Variants in RASGRF2 observed in about 807,000 individuals in gnomAD.
RASGRF2 encodes the protein ras-specific guanine nucleotide-releasing factor 2.
A neutral mutation model predicts 151.0 loss-of-function variants in RASGRF2; 76 were observed. The observed-to-expected ratio is 0.50, with a 90% confidence interval of 0.42 to 0.61. The LOEUF is 0.61. Among genes scored for constraint, RASGRF2 ranks in the 20% least tolerant of loss-of-function variants. The pLI, the probability that RASGRF2 is intolerant of heterozygous loss-of-function variation, is 0.00. For synonymous variants in RASGRF2, 504 were observed against 566.5 expected (o/e 0.89, Z 1.57); for missense variants, 1,148 against 1,564.6 (o/e 0.73, Z 4.49).
At chr5:81,117,850 A>G (rs1036106209) in intron 15 of RASGRF2, among the ~76,000 whole-genome samples, 2 of 152,206 alleles carry the variant, frequency 1.3e-5, no homozygotes, top group Non-Finnish European at 2.9e-5. Context: ...TGTAAAAGGG[A>G]AAAGTAGGCA....
At chr5:80,980,726 C>T (rs1364637288) in intron 1 of RASGRF2, among the ~76,000 whole-genome samples, 2 of 152,188 alleles carry the variant, frequency 1.3e-5, no homozygotes, top group Non-Finnish European at 2.9e-5. Flanking sequence ...AACTTACACC[C>T]TTTGTGAATT....
At chr5:81,036,158 G>A (rs558281609) in intron 1 of RASGRF2, among the ~76,000 whole-genome samples, 1 of 144,576 alleles carries the variant, frequency 6.9e-6, no homozygotes, top group Admixed American at 7.0e-5. Context: ...TTTTCATTTT[G>A]GTCTTTTTTC....
Position 80,986,308 on chromosome 5 carries a change from A to C in RASGRF2, c.288+25282A>C, listed in dbSNP as rs190625947. Among the ~76,000 whole-genome samples, 47 of 152,300 alleles carry C rather than the reference A, an allele frequency of 3.1e-4. No homozygotes were observed. The Middle Eastern group carries it at 0.014, about 44-fold the overall frequency. ...AGTTAAATGCTACCTTCTCAGTCCCAACCAAGCACTCTGGAAGTCTCCTTT... is the reference window on the plus strand; with the variant it reads ...AGTTAAATGCTACCTTCTCAGTCCCCACCAAGCACTCTGGAAGTCTCCTTT... On this transcript the variant is annotated intron_variant, in intron 1 of 26. Coordinates refer to ENST00000265080, the MANE Select transcript of RASGRF2 (RefSeq NM_006909.3).
chr5:81,218,826 A>G (rs1377085077), intron 25 of RASGRF2, among the ~76,000 whole-genome samples: 2 of 152,198 alleles, frequency 1.3e-5, no homozygotes. Flanking sequence ...CTACCCATCC[A>G]TGAGCATGGG....
intron 1 of RASGRF2, among the ~76,000 whole-genome samples, chr5:81,041,147 C>T (rs1356652597): frequency 6.6e-6 from 1 of 151,930 alleles, no homozygotes; most frequent in African/African-American, 2.4e-5. Context: ...ACCAAAAATA[C>T]AAAAAGTAGC....
chr5:80,993,320 G>A (rs1242840642), intron 1 of RASGRF2, among the ~76,000 whole-genome samples: 1 of 152,172 alleles, frequency 6.6e-6, no homozygotes, highest in East Asian at 1.9e-4. Flanking sequence ...AAGTTAAATG[G>A]AAATATTTTA....
chr5:81,007,599 A>G (rs1182050892), intron 1 of RASGRF2, among the ~76,000 whole-genome samples: 1 of 152,182 alleles, frequency 6.6e-6, no homozygotes, highest in Non-Finnish European at 1.5e-5. Flanking sequence ...TCCATTAAGA[A>G]AAATTCACGC....
intron 17 of RASGRF2, among the ~76,000 whole-genome samples, chr5:81,160,072 G>A (rs1407403125): frequency 6.6e-6 from 1 of 152,164 alleles, no homozygotes; most frequent in East Asian, 1.9e-4. Flanking sequence ...AAGATTGCCT[G>A]AGGCCAGGAG....
chr5:81,027,317 A>G (rs930948366), intron 1 of RASGRF2, among the ~76,000 whole-genome samples: 1 of 152,204 alleles, frequency 6.6e-6, no homozygotes, highest in African/African-American at 2.4e-5. Context: ...TAATAATGGG[A>G]AAAACTGTGT....
intron 2 of RASGRF2, among the ~76,000 whole-genome samples, chr5:81,046,868 A>G (rs920681344): frequency 2.6e-5 from 4 of 152,120 alleles, no homozygotes; most frequent in Non-Finnish European, 4.4e-5. Context: ...GTTAGGAGAT[A>G]GTCATGGCCT....
intron 1 of RASGRF2, among the ~76,000 whole-genome samples, chr5:81,023,022 A>C (rs1467378171): frequency 1.4e-5 from 2 of 143,330 alleles, no homozygotes; most frequent in African/African-American, 5.1e-5. Flanking sequence ...GCAGCTGTTG[A>C]GTCCAGATGC....
Position 81,177,516 on chromosome 5 carries a change from T to C in RASGRF2, c.2687-2659T>C, listed in dbSNP as rs557658137. On this transcript the variant is annotated intron_variant, in intron 17 of 26. Coordinates refer to ENST00000265080, the MANE Select transcript of RASGRF2 (RefSeq NM_006909.3). ...ATATCATGCAATACAACTTAGTAAG[T>C]TCATACTATGTAGGCTTTCATTTTT... Among the ~76,000 whole-genome samples the C allele has an allele frequency of 5.3e-5, 8 of 151,952 alleles. No homozygotes were observed. In the South Asian group the frequency reaches 1.5e-3, roughly 28 times the overall value.
intron 19 of RASGRF2, 87 bp downstream of exon 19, chr5:81,201,529 C>A: frequency 1.4e-6 from 2 of 1,403,774 alleles, no homozygotes. Context: ...ATCTTAGAAT[C>A]CTGGGGACAG....
At chr5:81,187,528 G>A (rs1475892189) in intron 18 of RASGRF2, among the ~76,000 whole-genome samples, 2 of 152,156 alleles carry the variant, frequency 1.3e-5, no homozygotes, top group Non-Finnish European at 2.9e-5. Context: ...CCTATATTAG[G>A]TTTGTGGAGA....
chr5:81,095,039 C>A (rs778240479), intron 12 of RASGRF2, 47 bp downstream of exon 12: 22 of 1,326,756 alleles, frequency 1.7e-5, no homozygotes, highest in Middle Eastern at 2.0e-4. Context: ...AATTTCACAA[C>A]TCAAACTTTT....
At chr5:81,116,610 T>C (rs1259009674) in intron 15 of RASGRF2, among the ~76,000 whole-genome samples, 1 of 152,184 alleles carries the variant, frequency 6.6e-6, no homozygotes, top group African/African-American at 2.4e-5. Context: ...AGCTCAATAG[T>C]ATTGTTGAAC....
intron 18 of RASGRF2, among the ~76,000 whole-genome samples, chr5:81,187,437 G>T (rs1755049654): frequency 6.6e-6 from 1 of 152,210 alleles, no homozygotes; most frequent in Non-Finnish European, 1.5e-5. Context: ...GTCTCCCACA[G>T]TGCCTCATTC....
At chr5:81,013,737 C>G (rs1486404282) in intron 1 of RASGRF2, among the ~76,000 whole-genome samples, 2 of 151,992 alleles carry the variant, frequency 1.3e-5, no homozygotes, top group Non-Finnish European at 1.5e-5. Context: ...GCTACTATTA[C>G]TGGAACTAGA....
chr5:81,203,020 C>T (rs1755431701), intron 19 of RASGRF2, among the ~76,000 whole-genome samples: 1 of 152,198 alleles, frequency 6.6e-6, no homozygotes, highest in African/African-American at 2.4e-5. Flanking sequence ...CCCTAGGAAA[C>T]AGTTAGGGGC....
Sources: allele counts gnomAD v4.1 joint callset (sites outside exome capture counted in the v4.1 genomes callset), GRCh38; gene constraint gnomAD v4.1.1; transcripts MANE v1.5; gene names NCBI Gene and HGNC (gene_info 2026-07-23, HGNC 2026-07-21).